The following YWHAE variants were observed in gnomAD, a reference collection of about 807,000 sequenced individuals.
The protein encoded by YWHAE is 14-3-3 protein epsilon.
Under a neutral mutation model 30.1 loss-of-function variants are expected in YWHAE, and 4 were observed. The observed-to-expected ratio is 0.13, with a 90% CI of 0.07 to 0.30. The LOEUF is 0.30. Ranked by LOEUF, YWHAE falls within the 10% of genes least tolerant of loss-of-function variation. The probability of loss-of-function intolerance (pLI) is 1.00; values close to 1 mark genes in which losing one functional copy is unlikely to be tolerated. For synonymous variants in YWHAE, 118 were observed against 111.8 expected (o/e 1.06, Z -0.35); for missense variants, 121 against 315.9 (o/e 0.38, Z 4.68).
intron 5 of YWHAE, among the ~76,000 whole-genome samples, chr17:1,349,958 AT>A (rs35252983): frequency 2.1e-4 from 31 of 145,474 alleles, no homozygotes; most frequent in South Asian, 4.3e-4. Context: ...ATTACCCTGT[AT>A]TTTTTTTTTT....
chr17:1,377,935 G>A (rs867535813), intron 1 of YWHAE, among the ~76,000 whole-genome samples: 21 of 152,252 alleles, frequency 1.4e-4, no homozygotes, highest in Middle Eastern at 3.4e-3. Flanking sequence ...TGTAATCCCA[G>A]CTACTCGGGA....
At chr17:1,364,357 G>C (rs1476672755) in intron 2 of YWHAE, among the ~76,000 whole-genome samples, 1 of 151,934 alleles carries the variant, frequency 6.6e-6, no homozygotes, top group Non-Finnish European at 1.5e-5. Context: ...CTCCCGAGTA[G>C]CTGGGACCAC....
At chr17:1,375,970 C>T (rs1472920870) in intron 1 of YWHAE, among the ~76,000 whole-genome samples, 3 of 152,222 alleles carry the variant, frequency 2.0e-5, no homozygotes, top group Non-Finnish European at 4.4e-5. Flanking sequence ...GTTCCAAATG[C>T]TTCGCTGTAT....
intron 1 of YWHAE, among the ~76,000 whole-genome samples, chr17:1,397,512 T>A (rs1316642890): frequency 6.6e-6 from 1 of 152,140 alleles, no homozygotes; most frequent in Non-Finnish European, 1.5e-5. Flanking sequence ...CAAAGAAGTT[T>A]AGGCACTAAT....
At chr17:1,357,169 C>T (rs1460997322) in intron 4 of YWHAE, among the ~76,000 whole-genome samples, 3 of 150,960 alleles carry the variant, frequency 2.0e-5, no homozygotes, top group African/African-American at 4.9e-5. Flanking sequence ...TTTGGGAGGC[C>T]GAGGCGGGTG....
chr17:1,384,557 G>A (rs2073271596), intron 1 of YWHAE, among the ~76,000 whole-genome samples: 1 of 151,864 alleles, frequency 6.6e-6, no homozygotes, highest in Non-Finnish European at 1.5e-5. Context: ...GCCAGGCATG[G>A]TGGCAGGCAC....
intron 4 of YWHAE, among the ~76,000 whole-genome samples, chr17:1,357,424 C>CA (rs1567960269): frequency 8.6e-6 from 1 of 116,634 alleles, no homozygotes; most frequent in Non-Finnish European, 1.8e-5. Flanking sequence ...AAAAAAAATA[C>CA]AAAAAATTAA....
At chr17:1,387,938 T>G (rs1567982924) in intron 1 of YWHAE, among the ~76,000 whole-genome samples, 1 of 140,694 alleles carries the variant, frequency 7.1e-6, no homozygotes, top group Non-Finnish European at 1.5e-5. Flanking sequence ...TTTTTTTTTT[T>G]TTTTTTTGAC....
rs975144766 is a variant in YWHAE at position 1,400,171 on chromosome 17, T to C, written c.-61A>G. ...TGGAAGCGGATAGTGTCTCCGACTC[T>C]CTCAGCCTCTCGCTCCGCGTCCGGG... On this transcript the variant is annotated 5_prime_UTR_variant, in exon 1 of 6. Coordinates refer to ENST00000264335, the MANE Select transcript of YWHAE (RefSeq NM_006761.5). 6.3e-7 allele frequency: 1 copy of C among 1,594,200 alleles called. No homozygotes were observed. The highest frequency in any genetic ancestry group is 1.1e-5 in the South Asian group (1 of 90,706).
At chr17:1,388,242 C>T (rs893530650) in intron 1 of YWHAE, among the ~76,000 whole-genome samples, 1 of 147,634 alleles carries the variant, frequency 6.8e-6, no homozygotes, top group Non-Finnish European at 1.5e-5. Context: ...ATTGGCCAGG[C>T]GCTGTGGCTC....
chr17:1,400,186 C>T lies in YWHAE; in HGVS notation c.-76G>A, dbSNP rs987520974. On this transcript the variant is annotated 5_prime_UTR_variant, in exon 1 of 6. Transcript: ENST00000264335. ...TCTCCGACTCTCTCAGCCTCTCGCT[C>T]CGCGTCCGGGCAGCAAAAATGGCGG... is the stretch of plus-strand genomic sequence containing the variant. The T allele has an allele frequency of 1.9e-6, 3 of 1,575,502 alleles. No individual in the cohort carries two copies. The highest frequency in any genetic ancestry group is 3.4e-5 in the Admixed American group (2 of 59,546).
chr17:1,348,179 A>G (rs1471286651), intron 5 of YWHAE, among the ~76,000 whole-genome samples: 1 of 152,306 alleles, frequency 6.6e-6, no homozygotes, highest in Admixed American at 6.5e-5. Context: ...CCTCCCTTCT[A>G]CTCTGAGAAG....
At chr17:1,382,263 T>C (rs2073223898) in intron 1 of YWHAE, among the ~76,000 whole-genome samples, 1 of 150,808 alleles carries the variant, frequency 6.6e-6, no homozygotes, top group Non-Finnish European at 1.5e-5. Context: ...TTAGCCAGGA[T>C]GGTCTCGATC....
At chr17:1,395,401 C>T (rs1034905012) in intron 1 of YWHAE, among the ~76,000 whole-genome samples, 4 of 152,084 alleles carry the variant, frequency 2.6e-5, no homozygotes, top group East Asian at 3.9e-4. Context: ...TGGTGGCACG[C>T]GCCTGTAGTC....
chr17:1,364,382 A>G (rs2072912219), intron 2 of YWHAE, among the ~76,000 whole-genome samples: 1 of 151,982 alleles, frequency 6.6e-6, no homozygotes, highest in Admixed American at 6.6e-5. Context: ...TCCCGCCACC[A>G]CGCCCAGCTA....
intron 2 of YWHAE, among the ~76,000 whole-genome samples, chr17:1,363,104 TC>T (rs1365851661): frequency 6.6e-6 from 1 of 152,130 alleles, no homozygotes; most frequent in African/African-American, 2.4e-5. Flanking sequence ...TGCTCTCTAC[TC>T]CTAGACTTTC....
At chr17:1,347,537 A>G (rs933801452) in intron 5 of YWHAE, among the ~76,000 whole-genome samples, 1 of 152,200 alleles carries the variant, frequency 6.6e-6, no homozygotes, top group Non-Finnish European at 1.5e-5. Context: ...TCTTTAATTC[A>G]TAAGACAGAA....
intron 4 of YWHAE, among the ~76,000 whole-genome samples, chr17:1,357,344 A>C (rs1211411352): frequency 4.9e-5 from 7 of 143,682 alleles, no homozygotes; most frequent in Non-Finnish European, 6.0e-5. Flanking sequence ...CAGAGCTTGC[A>C]GTGAGCCGAG....
rs543395825 is a variant in YWHAE, at chr17:1,361,435, T to C, written c.372-137A>G. 7 of 637,876 alleles carry C rather than the reference T, an allele frequency of 1.1e-5. No individual in the cohort carries two copies. The African/African-American group carries it at 1.1e-4, about 10-fold the overall frequency. The allele number at this position is 637,876 out of a possible 1,614,324, so 39.5% of individuals were successfully genotyped here. A position where few individuals can be genotyped will look rare whatever the true frequency, so the allele number is the denominator to read the frequency against. Reference sequence around the variant, plus strand: ...GTAACAATTAGGTGTACTTCAATAATTTTAAACACTCTCAGGAATAACTGG... The same window carrying C: ...GTAACAATTAGGTGTACTTCAATAACTTTAAACACTCTCAGGAATAACTGG... On this transcript the variant is annotated intron_variant, in intron 3 of 5. Transcript: ENST00000264335.
Sources: gnomAD v4.1 joint callset for allele counts (sites outside exome capture counted in the v4.1 genomes callset) on GRCh38, gnomAD v4.1.1 for gene constraint, MANE v1.5 for transcripts, NCBI Gene and HGNC (gene_info 2026-07-23, HGNC 2026-07-21) for gene names.